The following PRKN variants were observed in gnomAD, a reference collection of about 807,000 sequenced individuals.
PRKN encodes the protein parkin RBR E3 ubiquitin protein ligase, also known as E3 ubiquitin-protein ligase parkin.
A neutral mutation model predicts 59.5 loss-of-function variants in PRKN; 56 were observed. The ratio of observed to expected loss-of-function variants is 0.94; its 90% confidence interval spans 0.76 to 1.18. PRKN has a LOEUF of 1.18. Ranked by LOEUF, PRKN falls within the 50% of genes most tolerant of loss-of-function variation. The pLI, the probability that PRKN is intolerant of heterozygous loss-of-function variation, is 0.00. For missense variants in PRKN, 657 were observed against 596.4 expected (o/e 1.10, Z -1.06); for synonymous variants, 250 against 222.1 (o/e 1.13, Z -1.12).
rs1159136926 is a variant in PRKN at position 161,387,897 on chromosome 6, G to A, written c.1084-1020C>T. Among the ~76,000 whole-genome samples, 9 of 152,260 alleles carry A rather than the reference G, an allele frequency of 5.9e-5. No individual in the cohort carries two copies. In the East Asian group the frequency reaches 7.7e-4, roughly 13 times the overall value. ...TGAGGAGATTAGGACAGAGACACACGGACTGAGAGATGATGAGCAGCATTC... is the reference window on the plus strand; with the variant it reads ...TGAGGAGATTAGGACAGAGACACACAGACTGAGAGATGATGAGCAGCATTC... On this transcript the variant is annotated intron_variant, in intron 9 of 11. Coordinates refer to ENST00000366898, the MANE Select transcript of PRKN (RefSeq NM_004562.3).
chr6:161,757,879 A>C (rs1030243883), intron 7 of PRKN, among the ~76,000 whole-genome samples: 6 of 19,260 alleles, frequency 3.1e-4, no homozygotes, highest in African/African-American at 1.1e-3. Context: ...CTCTGTGTAT[A>C]TATATATACA....
Position 161,391,815 on chromosome 6 carries a change from G to A in PRKN, c.1084-4938C>T, listed in dbSNP as rs902437172. On this transcript the variant is annotated intron_variant, in intron 9 of 11. Coordinates refer to ENST00000366898, the MANE Select transcript of PRKN (RefSeq NM_004562.3). This position sits in a 1 kb window ranked among gnomAD's most constrained non-coding sequence, Gnocchi z 4.9. Reference sequence around the variant, plus strand: ...GAAGAGATTTCACCTGTGGACAGCAGCGTCAGGCTGTGCTCAAGAGTTCCA... The same window carrying A: ...GAAGAGATTTCACCTGTGGACAGCAACGTCAGGCTGTGCTCAAGAGTTCCA... Among the ~76,000 whole-genome samples the A allele has an allele frequency of 1.3e-5, 2 of 152,060 alleles. No homozygotes were observed. The highest frequency in any genetic ancestry group is 4.8e-5 in the African/African-American group (2 of 41,372).
chr6:162,101,057 G>A (rs549532441), intron 4 of PRKN, among the ~76,000 whole-genome samples: 5 of 152,070 alleles, frequency 3.3e-5, no homozygotes, highest in African/African-American at 7.2e-5. Context: ...TGATTGTTGC[G>A]TGGCTGATAC....
intron 2 of PRKN, among the ~76,000 whole-genome samples, chr6:162,289,433 C>T (rs1198245434): frequency 1.3e-5 from 2 of 151,980 alleles, no homozygotes; most frequent in Non-Finnish European, 2.9e-5. Flanking sequence ...GGCATAGTGG[C>T]TCATGCCTGT....
rs1319619920 is a variant in PRKN, at chr6:161,457,537, G to A, written c.1084-70660C>T. On this transcript the variant is annotated intron_variant, in intron 9 of 11. Transcript: ENST00000366898. This position sits in a 1 kb window ranked among gnomAD's most constrained non-coding sequence, Gnocchi z 5.0. ...ATTTATGTACAGTGCCTAGAACAAT[G>A]ATAAGACATGACTGCTGAATGTGTG... is the stretch of plus-strand genomic sequence containing the variant. Among the ~76,000 whole-genome samples the A allele has an allele frequency of 6.6e-6, 1 of 152,184 alleles. No individual in the cohort carries two copies. The highest frequency in any genetic ancestry group is 2.4e-5 in the African/African-American group (1 of 41,448).
In PRKN at chr6:161,470,206, C is replaced by G. The variant is rs1383213483; in HGVS notation, c.1083+78648G>C. Among the ~76,000 whole-genome samples, 1 of 152,164 alleles carries G rather than the reference C, an allele frequency of 6.6e-6. No individual in the cohort carries two copies. Among genetic ancestry groups the G allele is most frequent in the Non-Finnish European group, 1.5e-5 (1 of 68,032 alleles). ...TAACCTACACTAAAATAATGGTGTA[C>G]AGTCTATGCCACATAATTTTTGTGT... is the stretch of plus-strand genomic sequence containing the variant. On this transcript the variant is annotated intron_variant, in intron 9 of 11. Coordinates refer to ENST00000366898, the MANE Select transcript of PRKN (RefSeq NM_004562.3). The surrounding 1 kb of genome is among the most constrained non-coding windows in gnomAD (Gnocchi z 5.1).
At chr6:161,539,150 T>A (rs150226968) in intron 9 of PRKN, among the ~76,000 whole-genome samples, 2 of 152,236 alleles carry the variant, frequency 1.3e-5, no homozygotes, top group African/African-American at 4.8e-5. Flanking sequence ...CAAAGTTGCA[T>A]TGGGATACGT....
chr6:162,727,605 G>C (rs1022815802), intron 1 of PRKN, 57 bp downstream of exon 1: 3 of 1,543,282 alleles, frequency 1.9e-6, no homozygotes, highest in East Asian at 4.8e-5. Flanking sequence ...GGGGCGTGGC[G>C]CCATACCGGG....
In PRKN at chr6:161,462,607, C is replaced by CT. The variant is rs1025935244; in HGVS notation, c.1084-75731dup. On this transcript the variant is annotated intron_variant, in intron 9 of 11. Transcript: ENST00000366898. This position sits in a 1 kb window ranked among gnomAD's most constrained non-coding sequence, Gnocchi z 4.5. ...GCTCACCCTTATTTTAAAAGGTCTA[C>CT]TTTGAATGTCTCCCCAGGGTGATCA... is the stretch of plus-strand genomic sequence containing the variant. Among the ~76,000 whole-genome samples the CT allele has an allele frequency of 2.0e-4, 31 of 152,126 alleles. No individual in the cohort carries two copies. Among genetic ancestry groups the CT allele is most frequent in the African/African-American group, 7.2e-4 (30 of 41,436 alleles).
intron 1 of PRKN, among the ~76,000 whole-genome samples, chr6:162,591,109 C>T (rs2128214217): frequency 6.6e-6 from 1 of 152,192 alleles, no homozygotes; most frequent in South Asian, 2.1e-4. Flanking sequence ...GATTAGGCTA[C>T]AAGCCCCAGA....
chr6:162,183,375 T>C (rs946921629), intron 4 of PRKN, among the ~76,000 whole-genome samples: 1 of 152,178 alleles, frequency 6.6e-6, no homozygotes, highest in African/African-American at 2.4e-5. Context: ...CACATGGAGC[T>C]GTTTCCCTGC....
intron 7 of PRKN, among the ~76,000 whole-genome samples, chr6:161,711,446 A>G (rs1412863637): frequency 1.3e-5 from 2 of 152,214 alleles, no homozygotes; most frequent in East Asian, 3.9e-4. Flanking sequence ...AAGTCGTCAT[A>G]TGTGGAAAAG....
chr6:162,125,627 AC>A (rs1781094844), intron 4 of PRKN, among the ~76,000 whole-genome samples: 1 of 152,192 alleles, frequency 6.6e-6, no homozygotes, highest in South Asian at 2.1e-4. Context: ...ACAACCCGTC[AC>A]TTATACACAA....
intron 5 of PRKN, among the ~76,000 whole-genome samples, chr6:161,994,440 C>T (rs1039591143): frequency 7.2e-5 from 11 of 152,066 alleles, no homozygotes; most frequent in Non-Finnish European, 1.5e-4. Context: ...ACTCTCACTA[C>T]TCCAATTCAA....
intron 4 of PRKN, among the ~76,000 whole-genome samples, chr6:162,078,447 G>C (rs557026838): frequency 6.6e-6 from 1 of 152,022 alleles, no homozygotes; most frequent in Non-Finnish European, 1.5e-5. Context: ...GAGCTTGCTT[G>C]TTATCCCAAA....
intron 6 of PRKN, among the ~76,000 whole-genome samples, chr6:161,823,435 G>C (rs1384226779): frequency 6.6e-6 from 1 of 152,132 alleles, no homozygotes; most frequent in Non-Finnish European, 1.5e-5. Context: ...GTACACTGCA[G>C]ACACTAGGAG....
Position 161,851,075 on chromosome 6 carries a change from T to C in PRKN, c.735-65167A>G, listed in dbSNP as rs537530121. 1.5e-3 allele frequency among the ~76,000 whole-genome samples: 223 copies of C among 152,358 alleles called. 3 individuals carry two copies. The highest frequency in any genetic ancestry group is 3.4e-3 in the Middle Eastern group (1 of 294). On this transcript the variant is annotated intron_variant, in intron 6 of 11. Transcript: ENST00000366898. ...CCTCCAAAGTTCCTAAGTTGGACAC[T>C]TAATCCCTGATGCAACAATGTTGAG... is the stretch of plus-strand genomic sequence containing the variant.
chr6:162,293,280 T>A (rs1397575186), intron 2 of PRKN, among the ~76,000 whole-genome samples: 1 of 152,048 alleles, frequency 6.6e-6, no homozygotes, highest in Non-Finnish European at 1.5e-5. Flanking sequence ...GATGAAAGGA[T>A]AAGAAGAGGG....
intron 1 of PRKN, among the ~76,000 whole-genome samples, chr6:162,525,305 TC>T (rs1778235660): frequency 6.6e-6 from 1 of 152,182 alleles, no homozygotes; most frequent in East Asian, 1.9e-4. Flanking sequence ...CCAGCTGCTG[TC>T]CCCTGGGTTC....
Sources: allele counts gnomAD v4.1 joint callset (sites outside exome capture counted in the v4.1 genomes callset), GRCh38; gene constraint gnomAD v4.1.1; non-coding constraint Gnocchi (gnomAD v3.1); transcripts MANE v1.5; gene names NCBI Gene and HGNC (gene_info 2026-07-23, HGNC 2026-07-21).